Variants in C12orf54 observed in about 807,000 individuals in gnomAD.
C12orf54 encodes the protein uncharacterized protein C12orf54.
C12orf54 carries 24 observed loss-of-function variants against 26.4 expected under a neutral mutation model. The observed-to-expected ratio is 0.91, with a 90% CI of 0.66 to 1.28. C12orf54 has a LOEUF of 1.28. Ranked by LOEUF, C12orf54 falls within the 50% of genes most tolerant of loss-of-function variation. The pLI is 0.00. For synonymous variants in C12orf54, 54 were observed against 47.0 expected (o/e 1.15, Z -0.61); for missense variants, 154 against 150.9 (o/e 1.02, Z -0.11).
chr12:48,476,831 G>C, the C12orf54 span, among the ~76,000 whole-genome samples: 9 of 152,188 alleles, frequency 5.9e-5, no homozygotes, highest in East Asian at 1.7e-3. Flanking sequence ...ACATTAGACA[G>C]ATCAATGAGA....
chr12:48,462,912 A>G, the C12orf54 span, among the ~76,000 whole-genome samples: 1 of 151,882 alleles, frequency 6.6e-6, no homozygotes, highest in Non-Finnish European at 1.5e-5. Context: ...TAGGACAATA[A>G]AAGAGACAAA....
the C12orf54 span, among the ~76,000 whole-genome samples, chr12:48,462,995 T>C: frequency 2.0e-5 from 3 of 152,010 alleles, no homozygotes; most frequent in East Asian, 5.8e-4. Flanking sequence ...ATGTAGAATA[T>C]TCATAAAACA....
At chr12:48,476,316 G>T in the C12orf54 span, among the ~76,000 whole-genome samples, 1 of 151,906 alleles carries the variant, frequency 6.6e-6, no homozygotes, top group South Asian at 2.1e-4. Context: ...GACCATCCAG[G>T]CTAGGAAGAA....
At chr12:48,451,959 T>C in the C12orf54 span, among the ~76,000 whole-genome samples, 1 of 152,344 alleles carries the variant, frequency 6.6e-6, no homozygotes. Flanking sequence ...ACCATTGATA[T>C]TCTTCACAGA....
the C12orf54 span, among the ~76,000 whole-genome samples, chr12:48,475,769 A>T: frequency 2.0e-5 from 3 of 152,222 alleles, no homozygotes; most frequent in Non-Finnish European, 4.4e-5. Flanking sequence ...TCTACATCTG[A>T]TTGGTGTACC....
the C12orf54 span, among the ~76,000 whole-genome samples, chr12:48,422,564 G>C: frequency 8.6e-5 from 13 of 152,018 alleles, no homozygotes; most frequent in South Asian, 2.5e-3. Flanking sequence ...CTTTTTTTCT[G>C]TACTAGAAAT....
chr12:48,457,759 T>A, the C12orf54 span, among the ~76,000 whole-genome samples: 1 of 152,182 alleles, frequency 6.6e-6, no homozygotes, highest in African/African-American at 2.4e-5. Context: ...TTGGGTCCTC[T>A]TTCTGTGTGG....
At chr12:48,418,062 A>G in the C12orf54 span, among the ~76,000 whole-genome samples, 2 of 152,214 alleles carry the variant, frequency 1.3e-5, no homozygotes, top group African/African-American at 4.8e-5. Flanking sequence ...GCATTTGCCA[A>G]TGCAGGGAGA....
the C12orf54 span, among the ~76,000 whole-genome samples, chr12:48,457,048 A>G: frequency 6.6e-6 from 1 of 152,072 alleles, no homozygotes; most frequent in African/African-American, 2.4e-5. Context: ...TAAATCATGC[A>G]TTAAGTTTAG....
chr12:48,469,311 C>T, the C12orf54 span, among the ~76,000 whole-genome samples: 37 of 152,154 alleles, frequency 2.4e-4, no homozygotes, highest in Admixed American at 2.4e-3. Flanking sequence ...TTAGGGACTC[C>T]CCCTGGGAAT....
chr12:48,428,499 A>G, the C12orf54 span, among the ~76,000 whole-genome samples: 3 of 152,224 alleles, frequency 2.0e-5, no homozygotes, highest in Non-Finnish European at 4.4e-5. Context: ...TACAACTGAC[A>G]CCATAGAAAT....
the C12orf54 span, among the ~76,000 whole-genome samples, chr12:48,429,568 A>G: frequency 6.6e-6 from 1 of 150,604 alleles, no homozygotes; most frequent in South Asian, 2.1e-4. Flanking sequence ...CCCTTTTACA[A>G]TAGCTGCAAA....
intron 8 of C12orf54, 63 bp downstream of exon 8, chr12:48,495,042 C>G: frequency 7.6e-7 from 1 of 1,316,944 alleles, no homozygotes; most frequent in Non-Finnish European, 1.1e-6. Context: ...AGTCAGGAAC[C>G]CAGGCCTCTT....
intron 7 of C12orf54, among the ~76,000 whole-genome samples, chr12:48,494,358 A>G (rs1166454976): frequency 6.6e-6 from 1 of 152,166 alleles, no homozygotes; most frequent in Non-Finnish European, 1.5e-5. Context: ...CATTTGTTTT[A>G]AAGAGATGGA....
At chr12:48,419,873 A>G in the C12orf54 span, among the ~76,000 whole-genome samples, 6 of 152,366 alleles carry the variant, frequency 3.9e-5, no homozygotes, top group Non-Finnish European at 7.3e-5. Flanking sequence ...TCTTTTGTCT[A>G]TATAGGTGTC....
At chr12:48,481,821 C>T (rs1954202529), upstream of C12orf54, among the ~76,000 whole-genome samples, 2 of 152,292 alleles carry the variant, frequency 1.3e-5, no homozygotes, top group Middle Eastern at 3.4e-3. Context: ...TCACCACGAC[C>T]TCCCCATGTA....
chr12:48,435,231 A>C, the C12orf54 span, among the ~76,000 whole-genome samples: 6 of 152,314 alleles, frequency 3.9e-5, no homozygotes, highest in African/African-American at 1.2e-4. Flanking sequence ...AAAAGAAACA[A>C]ACAAAGCCTC....
chr12:48,494,942 C>G lies in C12orf54; in HGVS notation c.*3C>G, dbSNP rs1937879607. ...CAGCTTACTACCCTGGACCCTAACT[C>G]TACAATCAAGGAAGAAGGACATCTC... On this transcript the variant is annotated 3_prime_UTR_variant, in exon 8 of 9. Coordinates refer to ENST00000548364, the MANE Select transcript of C12orf54 (RefSeq NM_152319.4). 1 of 1,612,650 alleles carries G rather than the reference C, an allele frequency of 6.2e-7. No individual in the cohort carries two copies. The highest frequency in any genetic ancestry group is 1.3e-5 in the African/African-American group (1 of 74,912).
upstream of C12orf54, among the ~76,000 whole-genome samples, chr12:48,477,751 A>G (rs749756594): frequency 1.6e-4 from 25 of 152,230 alleles, no homozygotes; most frequent in Non-Finnish European, 2.9e-4. Context: ...TGAGGCAATA[A>G]TCAATAGCTT....
Sources: allele counts gnomAD v4.1 joint callset (sites outside exome capture counted in the v4.1 genomes callset), GRCh38; gene constraint gnomAD v4.1.1; transcripts MANE v1.5; gene names NCBI Gene and HGNC (gene_info 2026-07-23, HGNC 2026-07-21).